Variants in BTG4 observed in about 807,000 individuals in gnomAD.
BTG4 encodes protein BTG4.
BTG4 carries 10 observed loss-of-function variants against 19.3 expected under a neutral mutation model. The ratio of observed to expected loss-of-function variants is 0.52; its 90% confidence interval spans 0.32 to 0.88. The LOEUF is 0.88. BTG4 is among the 40% of genes least tolerant of loss of function. The pLI, the probability that BTG4 is intolerant of heterozygous loss-of-function variation, is 0.04. For synonymous variants in BTG4, 91 were observed against 95.7 expected (o/e 0.95, Z 0.29); for missense variants, 238 against 281.9 (o/e 0.84, Z 1.11).
downstream of BTG4, among the ~76,000 whole-genome samples, chr11:111,491,023 C>T (rs930402552): frequency 2.0e-5 from 3 of 152,166 alleles, no homozygotes; most frequent in Admixed American, 6.5e-5. Flanking sequence ...ATCCATACCA[C>T]GGAATACTGC....
chr11:111,407,394 G>C, the BTG4 span, among the ~76,000 whole-genome samples: 349 of 152,278 alleles, frequency 2.3e-3, 1 homozygote, highest in Non-Finnish European at 4.3e-3. Context: ...TAATGGGCCG[G>C]GTGCGGTGGT....
At chr11:111,398,518 A>G in the BTG4 span, among the ~76,000 whole-genome samples, 87,611 of 151,840 alleles carry the variant, frequency 0.58, 26,997 homozygotes, top group Admixed American at 0.7. Flanking sequence ...CAGTGGCTCA[A>G]TCTCGGCTCA....
the BTG4 span, among the ~76,000 whole-genome samples, chr11:111,418,456 G>T: frequency 6.6e-6 from 1 of 152,164 alleles, no homozygotes; most frequent in Admixed American, 6.5e-5. Context: ...GTCCTCCTTA[G>T]TTCATGCCCC....
the BTG4 span, among the ~76,000 whole-genome samples, chr11:111,393,356 C>T: frequency 6.6e-6 from 1 of 152,336 alleles, no homozygotes; most frequent in East Asian, 1.9e-4. Flanking sequence ...CATTGAAACA[C>T]CTGTTCCTTG....
chr11:111,442,404 G>A, the BTG4 span, among the ~76,000 whole-genome samples: 1 of 151,170 alleles, frequency 6.6e-6, no homozygotes, highest in East Asian at 2.0e-4. Flanking sequence ...AGGAGGTCGA[G>A]GCAAGAGAAT....
intron 5 of BTG4, among the ~76,000 whole-genome samples, chr11:111,476,167 T>C (rs574143): frequency 0.97 from 146,639 of 151,902 alleles, 70,990 homozygotes; most frequent in Middle Eastern, 1. Context: ...CACAATAAAA[T>C]ATTTGTTAAC....
At chr11:111,422,485 T>G in the BTG4 span, among the ~76,000 whole-genome samples, 1 of 152,194 alleles carries the variant, frequency 6.6e-6, no homozygotes, top group Non-Finnish European at 1.5e-5. Flanking sequence ...TGGAAATGCA[T>G]GTGCACACAG....
At chr11:111,501,035 C>G (rs1344555352) in intron 1 of BTG4, among the ~76,000 whole-genome samples, 1 of 151,750 alleles carries the variant, frequency 6.6e-6, no homozygotes, top group Non-Finnish European at 1.5e-5. Flanking sequence ...ATAGTGAACT[C>G]ATAAGGTTGT....
At chr11:111,430,231 A>G in the BTG4 span, among the ~76,000 whole-genome samples, 4 of 152,230 alleles carry the variant, frequency 2.6e-5, no homozygotes, top group Non-Finnish European at 5.9e-5. Context: ...TTAGAGAGAC[A>G]TGAGACATCA....
chr11:111,411,614 C>G, the BTG4 span, among the ~76,000 whole-genome samples: 1 of 152,192 alleles, frequency 6.6e-6, no homozygotes, highest in South Asian at 2.1e-4. Context: ...CACAAATCAA[C>G]CAAGGATCTT....
downstream of BTG4, among the ~76,000 whole-genome samples, chr11:111,493,773 C>G (rs147465936): frequency 6.8e-3 from 1,030 of 152,130 alleles, 14 homozygotes; most frequent in African/African-American, 0.024. Context: ...GTGAGTTTGT[C>G]CCACAAAATA....
At chr11:111,464,005 G>A (rs148857145), downstream of BTG4, among the ~76,000 whole-genome samples, 357 of 152,244 alleles carry the variant, frequency 2.3e-3, 2 homozygotes, top group Middle Eastern at 0.014. Context: ...GGAAGCCAAC[G>A]TCTTTTTTTG....
chr11:111,461,444 T>C, the BTG4 span, among the ~76,000 whole-genome samples: 1 of 151,754 alleles, frequency 6.6e-6, no homozygotes, highest in East Asian at 1.9e-4. Flanking sequence ...TTGAAGAAAA[T>C]GTATGGTTAT....
At chr11:111,425,879 A>G in the BTG4 span, among the ~76,000 whole-genome samples, 2 of 152,264 alleles carry the variant, frequency 1.3e-5, no homozygotes, top group South Asian at 4.1e-4. Flanking sequence ...AAAAAATTTA[A>G]AAATAGCTGG....
At chr11:111,395,215 T>G in the BTG4 span, among the ~76,000 whole-genome samples, 8 of 152,226 alleles carry the variant, frequency 5.3e-5, no homozygotes, top group Non-Finnish European at 1.0e-4. Flanking sequence ...GCAGGTGCGG[T>G]CAGGAGCTGT....
At chr11:111,423,734 T>C in the BTG4 span, among the ~76,000 whole-genome samples, 2 of 152,138 alleles carry the variant, frequency 1.3e-5, no homozygotes, top group South Asian at 4.1e-4. Context: ...AAAAAATAGA[T>C]ATCACCATCA....
chr11:111,504,104 C>T (rs1364643255), intron 1 of BTG4, among the ~76,000 whole-genome samples: 1 of 152,010 alleles, frequency 6.6e-6, no homozygotes, highest in Non-Finnish European at 1.5e-5. Flanking sequence ...GTAGTCTCAC[C>T]CCTCCATTCA....
At chr11:111,513,051 A>T (rs1284346276), upstream of BTG4, 2 of 457,450 alleles carry the variant, frequency 4.4e-6, no homozygotes, top group Non-Finnish European at 9.3e-6. Flanking sequence ...CGGGAAGAAG[A>T]CGCCGGCTCG....
intron 5 of BTG4, among the ~76,000 whole-genome samples, chr11:111,489,143 C>CAA (rs34189492): frequency 7.3e-5 from 10 of 137,078 alleles, no homozygotes; most frequent in Non-Finnish European, 1.1e-4. Flanking sequence ...AACTCCATCT[C>CAA]AAAAAAAAAA....
Sources: allele counts gnomAD v4.1 joint callset (sites outside exome capture counted in the v4.1 genomes callset), GRCh38; gene constraint gnomAD v4.1.1; transcripts MANE v1.5; gene names NCBI Gene and HGNC (gene_info 2026-07-23, HGNC 2026-07-21).